The following DOCK4 variants were observed in gnomAD, a reference collection of about 807,000 sequenced individuals.
DOCK4 encodes dedicator of cytokinesis 4.
DOCK4 carries 97 observed loss-of-function variants against 268.1 expected under a neutral mutation model. That is an observed-to-expected ratio of 0.36 (90% CI 0.31 to 0.43). DOCK4 has a LOEUF of 0.43. Ranked by LOEUF, DOCK4 falls within the 20% of genes least tolerant of loss-of-function variation. The pLI is 1.00. For missense variants in DOCK4, 2,145 were observed against 2,455.7 expected (o/e 0.87, Z 2.67); for synonymous variants, 954 against 887.2 (o/e 1.08, Z -1.34).
chr7:112,176,958 G>A (rs559632462), intron 1 of DOCK4, among the ~76,000 whole-genome samples: 5 of 152,274 alleles, frequency 3.3e-5, no homozygotes, highest in African/African-American at 1.2e-4. Context: ...GTGTCCTTTA[G>A]TGACATAAGT....
intron 1 of DOCK4, among the ~76,000 whole-genome samples, chr7:112,171,101 T>G (rs1240986425): frequency 1.3e-5 from 2 of 152,228 alleles, no homozygotes; most frequent in Non-Finnish European, 2.9e-5. Context: ...TTAGAAAAAC[T>G]TTCACAAACA....
chr7:112,091,879 C>G (rs886490209), intron 1 of DOCK4, among the ~76,000 whole-genome samples: 1 of 152,290 alleles, frequency 6.6e-6, no homozygotes, highest in Non-Finnish European at 1.5e-5. Flanking sequence ...ATTTCATAAG[C>G]CTGGTGTTTG....
intron 1 of DOCK4, among the ~76,000 whole-genome samples, chr7:112,143,861 C>T (rs1267216309): frequency 6.6e-6 from 1 of 152,202 alleles, no homozygotes; most frequent in African/African-American, 2.4e-5. Context: ...TCCCTTTGGT[C>T]TCAATCACAG....
intron 1 of DOCK4, among the ~76,000 whole-genome samples, chr7:112,107,561 G>T (rs546514333): frequency 6.6e-6 from 1 of 152,204 alleles, no homozygotes; most frequent in Admixed American, 6.5e-5. Context: ...AAGCCACCCA[G>T]TCTGTGGTAT....
At chr7:112,125,968 A>G (rs1813184753) in intron 1 of DOCK4, among the ~76,000 whole-genome samples, 1 of 152,024 alleles carries the variant, frequency 6.6e-6, no homozygotes, top group Non-Finnish European at 1.5e-5. Flanking sequence ...ACCACCATGC[A>G]TGACTAATTT....
chr7:112,090,408 T>C (rs138570839), intron 1 of DOCK4, among the ~76,000 whole-genome samples: 1 of 152,294 alleles, frequency 6.6e-6, no homozygotes, highest in East Asian at 1.9e-4. Flanking sequence ...GTAAAAACTA[T>C]ATGAAAGCTA....
intron 25 of DOCK4, among the ~76,000 whole-genome samples, chr7:111,842,890 C>T (rs753779095): frequency 1.1e-4 from 17 of 152,220 alleles, no homozygotes; most frequent in Non-Finnish European, 7.3e-5. Context: ...ATCACTGTCT[C>T]ACCATAACAT....
chr7:111,868,877 T>C (rs1806196567), intron 21 of DOCK4, among the ~76,000 whole-genome samples: 1 of 152,208 alleles, frequency 6.6e-6, no homozygotes, highest in African/African-American at 2.4e-5. Context: ...CATTTTACCT[T>C]CAATCAGCCC....
chr7:111,982,761 T>C (rs1798705439), intron 7 of DOCK4, among the ~76,000 whole-genome samples: 1 of 152,234 alleles, frequency 6.6e-6, no homozygotes, highest in African/African-American at 2.4e-5. Context: ...TACAAGACTA[T>C]CTTGAACATA....
intron 8 of DOCK4, among the ~76,000 whole-genome samples, chr7:111,950,496 A>G (rs908025548): frequency 3.3e-5 from 5 of 152,206 alleles, no homozygotes; most frequent in African/African-American, 1.2e-4. Flanking sequence ...ATGGTGAGCA[A>G]CTAGAATACA....
chr7:112,138,804 T>A (rs1358562020), intron 1 of DOCK4, among the ~76,000 whole-genome samples: 3 of 152,228 alleles, frequency 2.0e-5, no homozygotes, highest in Non-Finnish European at 4.4e-5. Context: ...ATGAGATTAG[T>A]GCTCTTATAA....
At chr7:111,742,226 T>A in intron 44 of DOCK4, 94 bp from the exon 45 acceptor site, 1 of 1,272,024 alleles carries the variant, frequency 7.9e-7, no homozygotes, top group Non-Finnish European at 1.0e-6. Flanking sequence ...GCATTTCGCT[T>A]GCATTATTGC....
intron 16 of DOCK4, among the ~76,000 whole-genome samples, chr7:111,884,303 C>T (rs1173193498): frequency 6.6e-6 from 1 of 152,180 alleles, no homozygotes; most frequent in Non-Finnish European, 1.5e-5. Context: ...TCTCTTCTCA[C>T]ACAATCCTTG....
At chr7:112,038,310 C>A (rs1246690156) in intron 1 of DOCK4, among the ~76,000 whole-genome samples, 1 of 152,048 alleles carries the variant, frequency 6.6e-6, no homozygotes, top group African/African-American at 2.4e-5. Context: ...GACTGGGAAG[C>A]CATAAAGCCA....
intron 31 of DOCK4, 105 bp downstream of exon 31, chr7:111,790,352 C>CT: frequency 7.2e-7 from 1 of 1,388,884 alleles, no homozygotes; most frequent in Non-Finnish European, 9.8e-7. Flanking sequence ...TCTAGGTCTG[C>CT]TGACCCAGTG....
chr7:111,759,531 T>C (rs1320723619), intron 40 of DOCK4, among the ~76,000 whole-genome samples: 2 of 152,182 alleles, frequency 1.3e-5, no homozygotes, highest in Non-Finnish European at 2.9e-5. Flanking sequence ...TAATTGTCAG[T>C]GGAAGTTTTA....
chr7:112,020,086 G>A (rs1802183372), intron 1 of DOCK4, among the ~76,000 whole-genome samples: 1 of 152,186 alleles, frequency 6.6e-6, no homozygotes, highest in Non-Finnish European at 1.5e-5. Context: ...AGTACTGAGT[G>A]TTTCTCAATC....
chr7:112,030,170 C>A (rs1466651167), intron 1 of DOCK4, among the ~76,000 whole-genome samples: 2 of 152,226 alleles, frequency 1.3e-5, no homozygotes, highest in East Asian at 3.9e-4. Flanking sequence ...ACCTTTTAAG[C>A]CTAAACTAGC....
intron 4 of DOCK4, among the ~76,000 whole-genome samples, chr7:111,994,811 A>G (rs1799797204): frequency 6.6e-6 from 1 of 152,210 alleles, no homozygotes; most frequent in Non-Finnish European, 1.5e-5. Flanking sequence ...AAGTAATGTT[A>G]TCATACAGCA....
Sources: gnomAD v4.1 joint callset for allele counts (sites outside exome capture counted in the v4.1 genomes callset) on GRCh38, gnomAD v4.1.1 for gene constraint, MANE v1.5 for transcripts, NCBI Gene and HGNC (gene_info 2026-07-23, HGNC 2026-07-21) for gene names.